The following SND1 variants were observed in gnomAD, a reference collection of about 807,000 sequenced individuals.
SND1 encodes the protein staphylococcal nuclease and tudor domain containing 1, also known as staphylococcal nuclease domain-containing protein 1.
Under a neutral mutation model 121.7 loss-of-function variants are expected in SND1, and 38 were observed. That is an observed-to-expected ratio of 0.31 (90% CI 0.24 to 0.41). SND1 has a LOEUF of 0.41. Among genes scored for constraint, SND1 ranks in the 10% least tolerant of loss-of-function variants. SND1 has a pLI of 1.00. For missense variants in SND1, 868 were observed against 1,184.6 expected (o/e 0.73, Z 3.92); for synonymous variants, 401 against 447.4 (o/e 0.90, Z 1.31).
At chr7:127,975,212 G>A (rs573794511) in intron 15 of SND1, among the ~76,000 whole-genome samples, 26 of 152,210 alleles carry the variant, frequency 1.7e-4, no homozygotes, top group Non-Finnish European at 4.4e-5. Context: ...AGGACGTGCA[G>A]CGCATCGTTT....
intron 1 of SND1, among the ~76,000 whole-genome samples, chr7:127,662,890 C>CT (rs34629378): frequency 0.066 from 8,060 of 122,526 alleles, 627 homozygotes; most frequent in African/African-American, 0.17. Flanking sequence ...CCTCTTTTAT[C>CT]TTTTTTTTTT....
chr7:127,876,411 T>TG (rs999590433), intron 12 of SND1, among the ~76,000 whole-genome samples: 5 of 152,058 alleles, frequency 3.3e-5, no homozygotes, highest in African/African-American at 1.2e-4. Flanking sequence ...AAAATGTTCA[T>TG]GGGAAAAACA....
At chr7:127,905,766 T>C (rs1800322868) in intron 14 of SND1, among the ~76,000 whole-genome samples, 1 of 152,150 alleles carries the variant, frequency 6.6e-6, no homozygotes, top group Non-Finnish European at 1.5e-5. Flanking sequence ...GTCTGTGCCA[T>C]GCATAGGGAA....
At chr7:127,923,023 GT>G (rs1800751294) in intron 14 of SND1, among the ~76,000 whole-genome samples, 1 of 152,196 alleles carries the variant, frequency 6.6e-6, no homozygotes, top group Admixed American at 6.6e-5. Context: ...CAAGGCTAGA[GT>G]GTCACCCAGG....
chr7:127,857,962 A>C (rs138537278), intron 12 of SND1: 568 of 1,385,998 alleles, frequency 4.1e-4, no homozygotes, highest in Middle Eastern at 1.8e-3. Context: ...CCAGGTCTGC[A>C]TCTGGTCGCT....
At chr7:128,047,198 T>C (rs1340098294) in intron 16 of SND1, among the ~76,000 whole-genome samples, 1 of 152,174 alleles carries the variant, frequency 6.6e-6, no homozygotes, top group Non-Finnish European at 1.5e-5. Context: ...CTGAGTCACA[T>C]ACGAGAAAAA....
chr7:127,764,427 C>T lies in SND1; in HGVS notation c.1152+43027C>T, dbSNP rs139056656. Among the ~76,000 whole-genome samples the T allele has an allele frequency of 6.2e-3, 937 of 152,224 alleles. 11 individuals are homozygous for T. The highest frequency in any genetic ancestry group is 0.03 in the South Asian group (147 of 4,820). ...ATTTGGCTTTTCATGGTCCTTAACT[C>T]TGGAAGGAACTCCATGCTCATTAAG... On this transcript the variant is annotated intron_variant, in intron 10 of 23. Coordinates refer to ENST00000354725, the MANE Select transcript of SND1 (RefSeq NM_014390.4).
rs1217588631 is a variant in SND1, at chr7:128,029,342, G to C, written c.1779+38286G>C. The C allele has an allele frequency of 6.2e-7, 1 of 1,614,078 alleles. No homozygotes were observed. The highest frequency in any genetic ancestry group is 1.3e-5 in the African/African-American group (1 of 74,922). ...TCACATTGAGGTAGGCCGAGGCGTT[G>C]GAGTTGCCTGCAACATTGGTCACCA... On this transcript the variant is annotated intron_variant, in intron 16 of 23. Transcript: ENST00000354725. This position sits in a 1 kb window ranked among gnomAD's most constrained non-coding sequence, Gnocchi z 4.2.
At chr7:127,899,581 G>A (rs749681795) in intron 13 of SND1, among the ~76,000 whole-genome samples, 1 of 152,158 alleles carries the variant, frequency 6.6e-6, no homozygotes, top group Admixed American at 6.5e-5. Flanking sequence ...CCACATGGTC[G>A]AGACCCATGA....
At chr7:128,082,428 G>A (rs762651175) in intron 18 of SND1, among the ~76,000 whole-genome samples, 2 of 152,226 alleles carry the variant, frequency 1.3e-5, no homozygotes, top group Non-Finnish European at 2.9e-5. Context: ...CCCCGTCTCA[G>A]CCACTTCCCT....
intron 15 of SND1, among the ~76,000 whole-genome samples, chr7:127,932,860 C>G (rs1800982337): frequency 6.6e-6 from 1 of 152,068 alleles, no homozygotes; most frequent in Non-Finnish European, 1.5e-5. Context: ...TTTTATATGC[C>G]CTGGGAAACT....
intron 11 of SND1, among the ~76,000 whole-genome samples, chr7:127,811,989 C>T (rs1798342989): frequency 6.6e-6 from 1 of 152,168 alleles, no homozygotes; most frequent in African/African-American, 2.4e-5. Flanking sequence ...ATAGTAAGCA[C>T]TGAACTCTGA....
chr7:127,752,931 T>TA lies in SND1; in HGVS notation c.1152+31533dup, dbSNP rs1207864470. ...TTTTGTTGAGCATTGGCCTTTATAC[T>TA]AATTCTGCCTCCTTGTCTTCCATCG... On this transcript the variant is annotated intron_variant, in intron 10 of 23. Transcript: ENST00000354725. Among the ~76,000 whole-genome samples, 6 of 152,362 alleles carry TA rather than the reference T, an allele frequency of 3.9e-5. 1 individual carries two copies. In the East Asian group the frequency reaches 9.6e-4, roughly 24 times the overall value.
chr7:127,815,805 T>C (rs1483872754), intron 11 of SND1, among the ~76,000 whole-genome samples: 2 of 152,210 alleles, frequency 1.3e-5, no homozygotes, highest in East Asian at 3.8e-4. Context: ...ATTTAGCTTG[T>C]ATCTGGCCAC....
chr7:127,756,686 A>G (rs1015767246), intron 10 of SND1, among the ~76,000 whole-genome samples: 1 of 152,196 alleles, frequency 6.6e-6, no homozygotes, highest in Non-Finnish European at 1.5e-5. Context: ...GTGGCGACTT[A>G]GAATCTGAGC....
intron 10 of SND1, among the ~76,000 whole-genome samples, chr7:127,784,983 A>G (rs1022363043): frequency 2.0e-5 from 3 of 152,166 alleles, no homozygotes; most frequent in Admixed American, 6.5e-5. Context: ...CAGTGGCACA[A>G]TCACGGCTTA....
At chr7:128,008,112 G>A (rs1429987930) in intron 16 of SND1, 1 of 152,230 alleles carries the variant, frequency 6.6e-6, no homozygotes, top group Non-Finnish European at 1.5e-5. Context: ...ATATAAAAGG[G>A]AGTAGGTGAT....
Position 128,091,955 on chromosome 7 carries a change from C to T in SND1, c.2668-38C>T, listed in dbSNP as rs74350643. 644 of 1,613,974 alleles carry T rather than the reference C, an allele frequency of 4.0e-4. 11 individuals carry two copies. The East Asian group carries it at 0.014, about 35-fold the overall frequency. Reference sequence around the variant, plus strand: ...TGGCCCTCTGAGTTCCGGTGGGTCCCGTATCCCTGAAGAGCTATTGTCTGT... The same window carrying T: ...TGGCCCTCTGAGTTCCGGTGGGTCCTGTATCCCTGAAGAGCTATTGTCTGT... On this transcript the variant is annotated intron_variant, in intron 23 of 23. Coordinates refer to ENST00000354725, the MANE Select transcript of SND1 (RefSeq NM_014390.4).
chr7:128,091,251 C>A (rs894730585), intron 22 of SND1, among the ~76,000 whole-genome samples: 1 of 152,158 alleles, frequency 6.6e-6, no homozygotes, highest in Non-Finnish European at 1.5e-5. Context: ...TCTTTTGAGA[C>A]CGGGTCTGGA....
Sources: gnomAD v4.1 joint callset for allele counts (sites outside exome capture counted in the v4.1 genomes callset) on GRCh38, gnomAD v4.1.1 for gene constraint, Gnocchi (gnomAD v3.1) non-coding constraint, MANE v1.5 for transcripts, NCBI Gene and HGNC (gene_info 2026-07-23, HGNC 2026-07-21) for gene names.